Variants in MADD observed in about 807,000 individuals in gnomAD.
The protein encoded by MADD is MAP kinase-activating death domain protein.
A neutral mutation model predicts 176.7 loss-of-function variants in MADD; 109 were observed. The ratio of observed to expected loss-of-function variants is 0.62; its 90% confidence interval spans 0.53 to 0.72. The LOEUF is 0.72. Ranked by LOEUF, MADD falls within the 30% of genes least tolerant of loss-of-function variation. The pLI is 0.00. For synonymous variants in MADD, 771 were observed against 771.3 expected, an observed-to-expected ratio of 1.00 and a Z score of 0.01; for missense variants, 1,914 against 2,045.5, an observed-to-expected ratio of 0.94 and a Z score of 1.24.
At chr11:47,289,085 C>G in intron 15 of MADD, 58 bp downstream of exon 16, 1 of 1,492,500 alleles carries the variant, frequency 6.7e-7, no homozygotes, top group Non-Finnish European at 9.1e-7. Context: ...ATCTTCTGTG[C>G]CTGCCCGAGG....
At chr11:47,321,714 G>A (rs907822649) in intron 27 of MADD, among the ~76,000 whole-genome samples, 5 of 152,304 alleles carry the variant, frequency 3.3e-5, no homozygotes, top group Admixed American at 6.5e-5. Flanking sequence ...TGGAAGAGCA[G>A]TCAGGGATAT....
At chr11:47,285,322 G>A in intron 13 of MADD, 128 bp downstream of exon 13, 3 of 1,550,864 alleles carry the variant, frequency 1.9e-6, no homozygotes, top group Admixed American at 1.8e-5. Context: ...CCCAGAGGAT[G>A]GTGTTCTGAT....
chr11:47,323,667 C>G lies in MADD; in HGVS notation c.4198-4C>G. On this transcript the variant is annotated splice_region_variant and splice_polypyrimidine_tract_variant and intron_variant, in intron 27 of 32. Coordinates refer to ENST00000402192, the Ensembl canonical transcript of MADD. ...CCACTGAGCCGCTTTGTGCACTTCT[C>G]CAGGTGTGCGATGACTGTGTGGTGT... 1 of 1,612,146 alleles carries G rather than the reference C, an allele frequency of 6.2e-7. No homozygotes were observed. Among genetic ancestry groups the G allele is most frequent in the Non-Finnish European group, 8.5e-7 (1 of 1,179,258 alleles).
intron 22 of MADD, among the ~76,000 whole-genome samples, chr11:47,301,419 AT>A (rs563147248): frequency 6.6e-6 from 1 of 151,960 alleles, no homozygotes; most frequent in South Asian, 2.1e-4. Context: ...CGCCCGGCCT[AT>A]TTTTTTAAGT....
intron 26 of MADD, 107 bp downstream of exon 29, chr11:47,311,949 A>G (rs2089644318): frequency 1.5e-6 from 1 of 662,228 alleles, no homozygotes; most frequent in African/African-American, 1.8e-5. Flanking sequence ...GTTGTCTTTG[A>G]CTGTAAATGA....
chr11:47,293,435 G>GA lies in MADD; in HGVS notation c.3302-447dup, dbSNP rs146363694. Among the ~76,000 whole-genome samples the GA allele has an allele frequency of 8.9e-3, 1,354 of 151,876 alleles. 23 individuals are homozygous for GA. Among genetic ancestry groups the GA allele is most frequent in the African/African-American group, 0.03 (1,262 of 41,382 alleles). On this transcript the variant is annotated intron_variant, in intron 19 of 32. Transcript: ENST00000402192. ...TCGTGCCTCAACCTCCCGAGTAGCT[G>GA]AGATTACAGGTGTGCATCACCACGC... is the stretch of plus-strand genomic sequence containing the variant.
At chr11:47,314,566 C>A (rs2091993762) in intron 26 of MADD, among the ~76,000 whole-genome samples, 1 of 152,076 alleles carries the variant, frequency 6.6e-6, no homozygotes, top group South Asian at 2.1e-4. Context: ...ATGGTCATGC[C>A]ACTGCACTCC....
chr11:47,326,824 G>T lies in MADD; in HGVS notation c.4612+17G>T. On this transcript the variant is annotated intron_variant, in intron 31 of 32. Transcript: ENST00000402192. ...AGGAATTTGGTAATTACACTATTTT[G>T]CTCTTAGGTCTGGACTCACATGGCA... The T allele has an allele frequency of 6.2e-7, 1 of 1,613,988 alleles. No homozygotes were observed. Among genetic ancestry groups the T allele is most frequent in the South Asian group, 1.1e-5 (1 of 91,074 alleles).
intron 27 of MADD, 58 bp downstream of exon 30, chr11:47,315,385 T>C (rs899104444): frequency 2.2e-6 from 2 of 898,462 alleles, no homozygotes; most frequent in African/African-American, 1.7e-5. Context: ...AGGGAACTCA[T>C]AGGACCGATG....
exon 16 of MADD, chr11:47,289,460 C>T: frequency 6.2e-7 from 1 of 1,614,172 alleles, no homozygotes; most frequent in Non-Finnish European, 8.5e-7. Context: ...AAAAGAGAAC[C>T]TCCATCACCC....
chr11:47,275,680 A>AATGCTGGAATTT (rs2049063309), intron 3 of MADD, among the ~76,000 whole-genome samples: 1 of 152,198 alleles, frequency 6.6e-6, no homozygotes, highest in African/African-American at 2.4e-5. Context: ...TTGGTGTTTT[A>AATGCTGGAATTT]ACTGTGGTTA....
chr11:47,275,885 T>G lies in MADD; in HGVS notation c.660-14T>G. 1.9e-6 allele frequency: 3 copies of G among 1,596,006 alleles called. No individual in the cohort carries two copies. Among genetic ancestry groups the G allele is most frequent in the Non-Finnish European group, 2.6e-6 (3 of 1,166,810 alleles). Reference sequence around the variant, plus strand: ...TGATGCTAATGTGTCTGATTCCTGCTGTCTGCTTCTCAGGGACACCATGTG... The same window carrying G: ...TGATGCTAATGTGTCTGATTCCTGCGGTCTGCTTCTCAGGGACACCATGTG... On this transcript the variant is annotated splice_polypyrimidine_tract_variant and intron_variant, in intron 3 of 32. Transcript: ENST00000402192.
At chr11:47,285,925 G>A (rs2060296241) in intron 14 of MADD, among the ~76,000 whole-genome samples, 2 of 152,146 alleles carry the variant, frequency 1.3e-5, no homozygotes, top group African/African-American at 4.8e-5. Context: ...TCCATATCTG[G>A]TATCTTCTTT....
chr11:47,296,764 G>GTTGT (rs1555059841), intron 22 of MADD, among the ~76,000 whole-genome samples: 1 of 116,916 alleles, frequency 8.6e-6, no homozygotes, highest in Non-Finnish European at 1.8e-5. Context: ...GTTTTTTGTT[G>GTTGT]TTTTTTTTTT....
intron 25 of MADD, among the ~76,000 whole-genome samples, chr11:47,309,972 G>A (rs1411035143): frequency 1.3e-5 from 2 of 151,376 alleles, no homozygotes; most frequent in Non-Finnish European, 2.9e-5. Flanking sequence ...CTCCCAAGTA[G>A]CTGCGATTAC....
intron 16 of MADD, 125 bp from the exon 18 acceptor site, chr11:47,289,742 A>G: frequency 9.0e-7 from 1 of 1,114,952 alleles, no homozygotes; most frequent in Admixed American, 2.1e-5. Flanking sequence ...GATGTGGTGC[A>G]CTTGGACATT....
intron 1 of MADD, chr11:47,271,952 G>A (rs1964719152): frequency 2.0e-5 from 3 of 152,198 alleles, no homozygotes; most frequent in Non-Finnish European, 2.9e-5. Flanking sequence ...TCGTTAAGCA[G>A]TGGTGATACC....
chr11:47,328,156 A>G lies in MADD; in HGVS notation c.4613-502A>G, dbSNP rs1281701033. 3.9e-6 allele frequency: 4 copies of G among 1,019,808 alleles called. No homozygotes were observed. The African/African-American group carries it at 5.1e-5, about 13-fold the overall frequency. 63.2% of individuals were successfully genotyped at this position (1,019,808 alleles called of 1,614,324 possible). The stretch of plus-strand genomic sequence containing the variant: ...CATGTTACCTCTTCATCCAGCCTCA[A>G]GACCCTCTGTGTAGGGGGCTGGGAA... On this transcript the variant is annotated intron_variant, in intron 31 of 32. Coordinates refer to ENST00000402192, the Ensembl canonical transcript of MADD.
chr11:47,278,409 A>C, intron 6 of MADD, 131 bp downstream of exon 6: 1 of 683,350 alleles, frequency 1.5e-6, no homozygotes, highest in Non-Finnish European at 2.5e-6. Flanking sequence ...TGCGAGACTT[A>C]CTGAAACAAG....
Sources: gnomAD v4.1 joint callset for allele counts (sites outside exome capture counted in the v4.1 genomes callset) on GRCh38, gnomAD v4.1.1 for gene constraint, MANE v1.5 for transcripts, NCBI Gene and HGNC (gene_info 2026-07-23, HGNC 2026-07-21) for gene names.